The following CNTRL variants were observed in gnomAD, a reference collection of about 807,000 sequenced individuals.
CNTRL encodes centriolin.
A neutral mutation model predicts 303.7 loss-of-function variants in CNTRL; 233 were observed. The ratio of observed to expected loss-of-function variants is 0.77; its 90% CI spans 0.69 to 0.86. The LOEUF (loss-of-function observed/expected upper bound fraction) is 0.86, where lower values mean the gene tolerates loss of function less well. Ranked by LOEUF, CNTRL falls within the 40% of genes least tolerant of loss-of-function variation. The pLI is 0.00. For missense variants in CNTRL, 2,524 were observed against 2,650.6 expected (o/e 0.95, Z 1.05); for synonymous variants, 900 against 922.2 (o/e 0.98, Z 0.44).
chr9:121,126,891 G>A (rs547920040), intron 14 of CNTRL, among the ~76,000 whole-genome samples: 3 of 151,446 alleles, frequency 2.0e-5, no homozygotes, highest in Admixed American at 1.3e-4. Context: ...GCGCAATCTC[G>A]GCTCACTGCA....
chr9:121,165,337 C>A (rs113971554), intron 35 of CNTRL, among the ~76,000 whole-genome samples: 1 of 151,992 alleles, frequency 6.6e-6, no homozygotes, highest in African/African-American at 2.4e-5. Flanking sequence ...AAACCTAATT[C>A]ATGTTCCTTA....
At position 121,158,006 on chromosome 9, in the gene CNTRL, T is replaced by G. The variant is rs200841631; in HGVS notation, c.4661T>G (p.Ile1554Arg). ...AGGCTTCAGAAACTACAGAAAGACATAGAGATGGCAGAACGCAATGAGGAT... is the reference window on the plus strand; with the variant it reads ...AGGCTTCAGAAACTACAGAAAGACAGAGAGATGGCAGAACGCAATGAGGAT... ...TEELQKLQKD[I>R]EMAERNEDHH... The change falls in exon 30 of 44, where the codon ATA (isoleucine) becomes AGA (arginine). Residue 1554 changes from isoleucine to arginine, a missense_variant. By Grantham distance (97) the Ile-to-Arg change is moderately conservative (BLOSUM62 -3). Coordinates refer to ENST00000373855, the MANE Select transcript of CNTRL (RefSeq NM_007018.6). The G allele has an allele frequency of 6.2e-7, 1 of 1,613,968 alleles. No homozygotes were observed.
At chr9:121,152,780 T>C in intron 26 of CNTRL, 87 bp downstream of exon 26, 1 of 1,042,426 alleles carries the variant, frequency 9.6e-7, no homozygotes, top group Non-Finnish European at 1.4e-6. Flanking sequence ...TCTTGGAATG[T>C]TCTTGATCTT....
intron 2 of CNTRL, among the ~76,000 whole-genome samples, chr9:121,082,247 T>C (rs2048168774): frequency 6.6e-6 from 1 of 152,196 alleles, no homozygotes; most frequent in Non-Finnish European, 1.5e-5. Context: ...AATAGCTTGA[T>C]TGGTTATAGC....
Position 121,162,082 on chromosome 9 carries a change from A to AG in CNTRL, c.5235dup (p.Ile1746AspfsTer17). On this transcript the variant is annotated frameshift_variant, in exon 34 of 44. Coordinates refer to ENST00000373855, the MANE Select transcript of CNTRL (RefSeq NM_007018.6). LOFTEE classifies it high-confidence loss of function. ...AAACTGGAGTTAGAGAATTTGCAGCAGATATCCCAGCAGCAGAAAGGGGAA... is the reference window on the plus strand; with the variant it reads ...AAACTGGAGTTAGAGAATTTGCAGCAGGATATCCCAGCAGCAGAAAGGGGAA... The AG allele has an allele frequency of 6.2e-7, 1 of 1,614,224 alleles. No individual in the cohort carries two copies. Among genetic ancestry groups the AG allele is most frequent in the East Asian group, 2.2e-5 (1 of 44,878 alleles).
chr9:121,164,805 G>A, intron 34 of CNTRL, 138 bp from the exon 35 acceptor site: 1 of 547,382 alleles, frequency 1.8e-6, no homozygotes, highest in Non-Finnish European at 2.8e-6. Context: ...CTGAAAATGA[G>A]TTGAGTCTTA....
At chr9:121,145,579 G>A (rs1375105271) in intron 22 of CNTRL, among the ~76,000 whole-genome samples, 194 bp downstream of exon 22, 1 of 152,184 alleles carries the variant, frequency 6.6e-6, no homozygotes, top group Non-Finnish European at 1.5e-5. Context: ...GTTACTGGGG[G>A]ACTTGGTTGC....
chr9:121,144,964 G>C lies in CNTRL; in HGVS notation c.3168+5G>C. 3 of 1,604,984 alleles carry C rather than the reference G, an allele frequency of 1.9e-6. No individual in the cohort carries two copies. The highest frequency in any genetic ancestry group is 2.6e-6 in the Non-Finnish European group (3 of 1,172,112). On this transcript the variant is annotated splice_donor_5th_base_variant and intron_variant, in intron 21 of 43. Coordinates refer to ENST00000373855, the MANE Select transcript of CNTRL (RefSeq NM_007018.6). ...CTCAGGCAGAAGGGGGAGCAGGTCA[G>C]TGTTGGTACCCAGAGACCTCCTCTT...
chr9:121,103,833 C>T (rs1564208483), intron 7 of CNTRL, among the ~76,000 whole-genome samples: 2 of 152,224 alleles, frequency 1.3e-5, no homozygotes, highest in Non-Finnish European at 1.5e-5. Flanking sequence ...GAGATACCAT[C>T]TCACACCAGT....
In CNTRL at chr9:121,177,172, G is replaced by A; in HGVS notation, c.6964G>A (p.Ala2322Thr). 1 of 1,611,134 alleles carries A rather than the reference G, an allele frequency of 6.2e-7. No individual in the cohort carries two copies. The highest frequency in any genetic ancestry group is 8.5e-7 in the Non-Finnish European group (1 of 1,178,042). ...SQLGQNQEKN[A>T]SAR ...TTTTGTCTTACTGTAGGAAAAGAAT[G>A]CCTCAGCCAGATGAGGAATACTGTC... The change falls in exon 44 of 44, where the codon GCC becomes ACC. Residue 2322 changes from alanine (A) to threonine (T), a missense_variant. Coordinates refer to ENST00000373855, the MANE Select transcript of CNTRL (RefSeq NM_007018.6).
intron 26 of CNTRL, 87 bp from the exon 27 acceptor site, chr9:121,154,634 A>G (rs1392513014): frequency 2.8e-5 from 21 of 753,660 alleles, no homozygotes; most frequent in Middle Eastern, 3.9e-4. Flanking sequence ...TTAGAAAATC[A>G]TTGTAGATCT....
intron 7 of CNTRL, among the ~76,000 whole-genome samples, chr9:121,101,303 G>A (rs2049155941): frequency 6.6e-6 from 1 of 152,166 alleles, no homozygotes; most frequent in African/African-American, 2.4e-5. Context: ...AATGACTACT[G>A]GGTACTTAAT....
chr9:121,172,724 T>A (rs758468418), intron 40 of CNTRL, among the ~76,000 whole-genome samples: 11 of 152,352 alleles, frequency 7.2e-5, no homozygotes, highest in Non-Finnish European at 1.2e-4. Context: ...GCATTTATAA[T>A]CCAGATCACT....
Position 121,159,013 on chromosome 9 carries a change from C to T in CNTRL, c.4923C>T (p.His1641=), listed in dbSNP as rs2052724239. The change falls in exon 31 of 44, where the codon CAC becomes CAT. Residue 1641 remains histidine, a synonymous_variant. Transcript: ENST00000373855. The part of the protein sequence containing the change: ...GETEVTEKCN[H]IREVKSLLEE... ...CTGAAGTAACTGAGAAGTGCAATCACATTAGGGTGTGTTTTTTATTAGGGT... is the reference window on the plus strand; with the variant it reads ...CTGAAGTAACTGAGAAGTGCAATCATATTAGGGTGTGTTTTTTATTAGGGT... The T allele has an allele frequency of 6.2e-7, 1 of 1,613,474 alleles. No individual in the cohort carries two copies.
At chr9:121,161,407 T>C in intron 32 of CNTRL, 2 of 376,200 alleles carry the variant, frequency 5.3e-6, no homozygotes, top group Non-Finnish European at 9.7e-6. Flanking sequence ...TTTTAATTTA[T>C]TTTGATCAAT....
chr9:121,145,673 T>C (rs1214817666), intron 22 of CNTRL, among the ~76,000 whole-genome samples: 1 of 152,066 alleles, frequency 6.6e-6, no homozygotes, highest in Non-Finnish European at 1.5e-5. Context: ...GGTGGGTGGA[T>C]CGCTTGAGGT....
intron 12 of CNTRL, 42 bp downstream of exon 12, chr9:121,118,582 T>G (rs377576711): frequency 4.8e-5 from 69 of 1,434,388 alleles, no homozygotes; most frequent in South Asian, 7.5e-5. Flanking sequence ...GTCTACATAT[T>G]ACATGTCTCA....
chr9:121,170,184 T>A (rs533466534), intron 39 of CNTRL, among the ~76,000 whole-genome samples: 1 of 152,158 alleles, frequency 6.6e-6, no homozygotes, highest in Non-Finnish European at 1.5e-5. Flanking sequence ...TTGCTTTGTC[T>A]CCCATGCTAG....
rs1410481340 is a variant in CNTRL at position 121,169,680 on chromosome 9, A to G, written c.6140A>G (p.Glu2047Gly). The G allele has an allele frequency of 1.2e-5, 20 of 1,614,182 alleles. No individual in the cohort carries two copies. Among genetic ancestry groups the G allele is most frequent in the Non-Finnish European group, 1.7e-5 (20 of 1,180,016 alleles). The change falls in exon 39 of 44, where the codon GAG (glutamate) becomes GGG (glycine). Residue 2047 changes from glutamate to glycine, a missense_variant. Glu to Gly is a moderately conservative substitution (Grantham distance 98, BLOSUM62 -2). Coordinates refer to ENST00000373855, the MANE Select transcript of CNTRL (RefSeq NM_007018.6). ...GGTGAGCTGTTGGCCCTCCAGAAAG[A>G]GGCAGATTCTATGAGGGCAGACTTC... ...KSGELLALQK[E>G]ADSMRADFSL...
Sources: allele counts gnomAD v4.1 joint callset (sites outside exome capture counted in the v4.1 genomes callset), GRCh38; gene constraint gnomAD v4.1.1; transcripts MANE v1.5; gene names NCBI Gene and HGNC (gene_info 2026-07-23, HGNC 2026-07-21).